TTC28: variants seen among roughly 807,000 people sequenced by gnomAD.
The protein encoded by TTC28 is tetratricopeptide repeat domain 28, also known as tetratricopeptide repeat protein 28.
TTC28 carries 61 observed loss-of-function variants against 198.0 expected under a neutral mutation model. The observed-to-expected ratio is 0.31, with a 90% CI of 0.25 to 0.38. TTC28 has a LOEUF of 0.38. Ranked by LOEUF, TTC28 falls within the 10% of genes least tolerant of loss-of-function variation. The probability of loss-of-function intolerance (pLI) is 1.00; values close to 1 mark genes in which losing one functional copy is unlikely to be tolerated. For synonymous variants in TTC28, 1,171 were observed against 1,297.8 expected (o/e 0.90, Z 2.10); for missense variants, 2,678 against 3,164.0 (o/e 0.85, Z 3.69).
At chr22:28,305,776 A>T (rs1417156087) in intron 3 of TTC28, among the ~76,000 whole-genome samples, 1 of 152,170 alleles carries the variant, frequency 6.6e-6, no homozygotes, top group Non-Finnish European at 1.5e-5. Context: ...TTTTAGTCAA[A>T]TCTTCCCAAG....
At chr22:28,591,276 T>C (rs1469108158) in intron 2 of TTC28, among the ~76,000 whole-genome samples, 1 of 150,874 alleles carries the variant, frequency 6.6e-6, no homozygotes, top group African/African-American at 2.4e-5. Context: ...CCTGACTATT[T>C]TTTTTATATA....
intron 5 of TTC28, among the ~76,000 whole-genome samples, chr22:28,231,157 A>C (rs1012506440): frequency 1.1e-4 from 17 of 152,150 alleles, no homozygotes; most frequent in African/African-American, 3.9e-4. Context: ...CTAGAAAGAG[A>C]AGCTGGAAGG....
chr22:28,407,845 T>G lies in TTC28; in HGVS notation c.382-101202A>C, dbSNP rs553665816. Among the ~76,000 whole-genome samples, 12 of 152,340 alleles carry G rather than the reference T, an allele frequency of 7.9e-5. 1 individual carries two copies. In the South Asian group the frequency reaches 1.5e-3, roughly 18 times the overall value. On this transcript the variant is annotated intron_variant, in intron 2 of 22. Coordinates refer to ENST00000397906, the MANE Select transcript of TTC28 (RefSeq NM_001145418.2). ...TGGAACATAATGATCAAAGGGGCCA[T>G]TCTATTGGATCTGGCATTATGCCAA...
chr22:28,199,759 C>A (rs917948891), intron 5 of TTC28, among the ~76,000 whole-genome samples: 1 of 151,508 alleles, frequency 6.6e-6, no homozygotes, highest in East Asian at 1.9e-4. Context: ...TGACCTCTAC[C>A]CACTAGATGC....
chr22:28,004,003 T>C lies in TTC28; in HGVS notation c.4219-2450A>G, dbSNP rs550486544. Among the ~76,000 whole-genome samples, 108 of 152,330 alleles carry C rather than the reference T, an allele frequency of 7.1e-4. No individual in the cohort carries two copies. The Middle Eastern group carries it at 0.014, about 19-fold the overall frequency. On this transcript the variant is annotated intron_variant, in intron 14 of 22. Transcript: ENST00000397906. ...GTCCTTGCTTGCAGACTTATGATGA[T>C]GTACTTAGAAAACTAAAATGCACAC... is the stretch of plus-strand genomic sequence containing the variant.
chr22:28,330,524 A>C (rs1054888258), intron 2 of TTC28, among the ~76,000 whole-genome samples: 3 of 152,216 alleles, frequency 2.0e-5, no homozygotes, highest in African/African-American at 7.2e-5. Flanking sequence ...CAAATTGCTA[A>C]CATTGTTCCC....
At chr22:28,319,126 C>T (rs2045403625) in intron 2 of TTC28, among the ~76,000 whole-genome samples, 1 of 152,140 alleles carries the variant, frequency 6.6e-6, no homozygotes, top group African/African-American at 2.4e-5. Flanking sequence ...TCACTCATGG[C>T]TTCTAAATTT....
At chr22:28,391,745 A>C (rs1157321962) in intron 2 of TTC28, among the ~76,000 whole-genome samples, 6 of 152,156 alleles carry the variant, frequency 3.9e-5, no homozygotes, top group African/African-American at 1.2e-4. Flanking sequence ...ACGTTCTTCT[A>C]AACTTTTTTG....
chr22:28,611,016 T>C (rs1009284010), intron 2 of TTC28, among the ~76,000 whole-genome samples: 1 of 151,568 alleles, frequency 6.6e-6, no homozygotes, highest in African/African-American at 2.4e-5. Flanking sequence ...GAAGACAAGA[T>C]TAGAGAAAAA....
chr22:28,582,041 T>C (rs2050240807), intron 2 of TTC28, among the ~76,000 whole-genome samples: 1 of 152,198 alleles, frequency 6.6e-6, no homozygotes, highest in African/African-American at 2.4e-5. Context: ...AATAATTTTA[T>C]GACCTATAAA....
chr22:28,135,162 G>T (rs1943170337), intron 6 of TTC28, among the ~76,000 whole-genome samples: 1 of 152,112 alleles, frequency 6.6e-6, no homozygotes, highest in Non-Finnish European at 1.5e-5. Flanking sequence ...CCACTCTGTT[G>T]AGTGAAGTGA....
intron 2 of TTC28, among the ~76,000 whole-genome samples, chr22:28,626,626 ATTCTTTTGCAG>A (rs2051080429): frequency 6.6e-6 from 1 of 152,036 alleles, no homozygotes; most frequent in South Asian, 2.1e-4. Context: ...AAAAGGAAAC[ATTCTTTTGCAG>A]TACTGAACAT....
intron 2 of TTC28, among the ~76,000 whole-genome samples, chr22:28,307,930 C>A (rs984018444): frequency 3.9e-5 from 6 of 151,972 alleles, no homozygotes; most frequent in Admixed American, 2.0e-4. Flanking sequence ...TGCATATACA[C>A]AGAGAGTGAG....
intron 2 of TTC28, among the ~76,000 whole-genome samples, chr22:28,335,751 G>C (rs1466663582): frequency 6.6e-6 from 1 of 152,086 alleles, no homozygotes; most frequent in African/African-American, 2.4e-5. Context: ...GAGATGATGG[G>C]GTTTTCTAGA....
intron 2 of TTC28, among the ~76,000 whole-genome samples, chr22:28,332,740 C>T (rs1477614239): frequency 6.6e-6 from 1 of 152,076 alleles, no homozygotes; most frequent in Non-Finnish European, 1.5e-5. Flanking sequence ...CAATTAAATG[C>T]AACCACTAAA....
At chr22:28,598,064 A>G (rs890952200) in intron 2 of TTC28, among the ~76,000 whole-genome samples, 2 of 152,060 alleles carry the variant, frequency 1.3e-5, no homozygotes, top group African/African-American at 4.8e-5. Context: ...GAACTTCCAC[A>G]TACACAAATT....
chr22:27,996,464 A>C, intron 16 of TTC28: 1 of 708,390 alleles, frequency 1.4e-6, no homozygotes, highest in East Asian at 2.8e-5. Context: ...TTAAGAATCA[A>C]TATTGTTCAG....
chr22:28,641,793 T>C (rs763787620), intron 1 of TTC28, among the ~76,000 whole-genome samples: 1 of 152,090 alleles, frequency 6.6e-6, no homozygotes, highest in Non-Finnish European at 1.5e-5. Flanking sequence ...CAGGAGGGAA[T>C]GAATAATACT....
intron 1 of TTC28, among the ~76,000 whole-genome samples, chr22:28,648,845 GT>G (rs944950842): frequency 6.6e-6 from 1 of 152,064 alleles, no homozygotes; most frequent in African/African-American, 2.4e-5. Flanking sequence ...TGAGGCAGAG[GT>G]TGCAGTGAGC....
Sources: gnomAD v4.1 joint callset for allele counts (sites outside exome capture counted in the v4.1 genomes callset) on GRCh38, gnomAD v4.1.1 for gene constraint, MANE v1.5 for transcripts, NCBI Gene and HGNC (gene_info 2026-07-23, HGNC 2026-07-21) for gene names.